Variants in SHTN1 observed in about 807,000 individuals in gnomAD.
The protein encoded by SHTN1 is shootin-1.
A neutral mutation model predicts 83.1 loss-of-function variants in SHTN1; 42 were observed. The ratio of observed to expected loss-of-function variants is 0.51; its 90% CI spans 0.39 to 0.65. The LOEUF (loss-of-function observed/expected upper bound fraction) is 0.65, where lower values mean the gene tolerates loss of function less well. Among genes scored for constraint, SHTN1 ranks in the 30% least tolerant of loss-of-function variants. The probability of loss-of-function intolerance (pLI) is 0.00; values close to 1 mark genes in which losing one functional copy is unlikely to be tolerated. For missense variants in SHTN1, 622 were observed against 737.8 expected, an observed-to-expected ratio of 0.84 and a Z score of 1.82; for synonymous variants, 224 against 247.7, an observed-to-expected ratio of 0.90 and a Z score of 0.90.
At chr10:117,036,814 T>G (rs937829490) in intron 2 of SHTN1, among the ~76,000 whole-genome samples, 2 of 152,192 alleles carry the variant, frequency 1.3e-5, no homozygotes, top group Non-Finnish European at 2.9e-5. Flanking sequence ...GGATAAATGA[T>G]TGAGGGGATG....
intron 15 of SHTN1, among the ~76,000 whole-genome samples, chr10:116,902,321 A>T (rs926951831): frequency 3.3e-5 from 5 of 152,180 alleles, no homozygotes; most frequent in African/African-American, 9.7e-5. Context: ...CTCAAGAGTT[A>T]ATTCTTCCCA....
intron 16 of SHTN1, among the ~76,000 whole-genome samples, chr10:116,896,061 T>C (rs1260569917): frequency 6.6e-6 from 1 of 152,156 alleles, no homozygotes; most frequent in African/African-American, 2.4e-5. Flanking sequence ...TTTCAGCACA[T>C]TTCCTCTTAG....
At chr10:116,928,644 C>A (rs1340209746) in intron 10 of SHTN1, among the ~76,000 whole-genome samples, 1 of 152,242 alleles carries the variant, frequency 6.6e-6, no homozygotes, top group East Asian at 1.9e-4. Flanking sequence ...TCCCCATCCA[C>A]AGCCATTCCA....
In SHTN1 at chr10:117,098,314, G is replaced by A. The variant is rs545001920; in HGVS notation, c.-189+27993C>T. 3.8e-3 allele frequency among the ~76,000 whole-genome samples: 565 copies of A among 149,726 alleles called. 4 individuals carry two copies. Among genetic ancestry groups the A allele is most frequent in the African/African-American group, 0.013 (532 of 40,554 alleles). On this transcript the variant is annotated intron_variant, in intron 1 of 17. Coordinates refer to the SHTN1 transcript ENST00000392901. ...TGGGAGGCTGAGGCAGGAGAATGGC[G>A]TGAACCCAGGGGGCGGAGCTTGCAG...
At chr10:116,912,999 T>C (rs1226745379) in intron 13 of SHTN1, among the ~76,000 whole-genome samples, 9 of 152,198 alleles carry the variant, frequency 5.9e-5, no homozygotes, top group African/African-American at 2.2e-4. Context: ...GAAATACACA[T>C]GCCCTTAGTG....
chr10:116,922,819 T>C (rs1848611050), intron 11 of SHTN1, among the ~76,000 whole-genome samples: 1 of 151,962 alleles, frequency 6.6e-6, no homozygotes, highest in Admixed American at 6.6e-5. Flanking sequence ...ATGAAAAAAT[T>C]AGCTGGGCGT....
At chr10:117,125,028 C>T (rs895352809) in intron 1 of SHTN1, among the ~76,000 whole-genome samples, 1 of 152,156 alleles carries the variant, frequency 6.6e-6, no homozygotes, top group Non-Finnish European at 1.5e-5. Context: ...ATTGCTGAGC[C>T]AAACATGGAC....
At chr10:117,059,299 T>C (rs531008126) in intron 1 of SHTN1, among the ~76,000 whole-genome samples, 1 of 152,316 alleles carries the variant, frequency 6.6e-6, no homozygotes, top group Admixed American at 6.5e-5. Context: ...GGAAACAGTT[T>C]GGCAGTTTCT....
chr10:117,021,687 A>G (rs1852266243), intron 2 of SHTN1, among the ~76,000 whole-genome samples: 1 of 152,202 alleles, frequency 6.6e-6, no homozygotes, highest in Non-Finnish European at 1.5e-5. Context: ...AGAAAAATGA[A>G]AATATTTTAT....
At chr10:117,056,421 T>C (rs2133592398) in intron 1 of SHTN1, among the ~76,000 whole-genome samples, 1 of 152,310 alleles carries the variant, frequency 6.6e-6, no homozygotes, top group Non-Finnish European at 1.5e-5. Flanking sequence ...AATCAATCAA[T>C]GTAATGGTCC....
chr10:116,973,966 G>C, intron 2 of SHTN1: 1 of 1,226,834 alleles, frequency 8.2e-7, no homozygotes, highest in Non-Finnish European at 1.1e-6. Flanking sequence ...GTGCTTTCTG[G>C]ATTTCTACAC....
At chr10:117,008,352 T>C (rs1852052301), upstream of SHTN1, among the ~76,000 whole-genome samples, 1 of 152,052 alleles carries the variant, frequency 6.6e-6, no homozygotes, top group Non-Finnish European at 1.5e-5. Context: ...TTTTGAGGTA[T>C]ACAGATAAAT....
At chr10:116,955,900 AG>A in intron 4 of SHTN1, among the ~76,000 whole-genome samples, 1 of 152,320 alleles carries the variant, frequency 6.6e-6, no homozygotes, top group East Asian at 1.9e-4. Context: ...TCAAGATAAA[AG>A]ATGAGGCCCA....
At chr10:116,925,656 A>AG (rs1848720764) in intron 11 of SHTN1, among the ~76,000 whole-genome samples, 1 of 152,230 alleles carries the variant, frequency 6.6e-6, no homozygotes, top group Non-Finnish European at 1.5e-5. Context: ...CTCTAAAAAA[A>AG]GCACTTAATA....
At chr10:117,101,137 A>C (rs1853586101) in intron 1 of SHTN1, among the ~76,000 whole-genome samples, 2 of 152,152 alleles carry the variant, frequency 1.3e-5, no homozygotes, top group Non-Finnish European at 2.9e-5. Context: ...TGAAATAGGG[A>C]AGTTCCATGG....
At position 117,029,336 on chromosome 10, in the gene SHTN1, T is replaced by C. The variant is rs1852373304; in HGVS notation, c.-123+19109A>G. Among the ~76,000 whole-genome samples the C allele has an allele frequency of 2.6e-5, 4 of 152,240 alleles. No homozygotes were observed. In the South Asian group the frequency reaches 6.2e-4, roughly 24 times the overall value. On this transcript the variant is annotated intron_variant, in intron 2 of 17. Transcript: ENST00000392901. ...TACAGGCTTATATGGGGAAGGGACT[T>C]CCCTTGTCTCAGAGGAGACTTTGGG...
At chr10:116,902,740 T>G (rs1349003606) in intron 15 of SHTN1, among the ~76,000 whole-genome samples, 1 of 152,194 alleles carries the variant, frequency 6.6e-6, no homozygotes, top group Admixed American at 6.5e-5. Flanking sequence ...AAAACAAAGA[T>G]AAGTCACAAA....
chr10:117,126,393 A>G (rs1474917513), exon 1 of SHTN1: 1 of 182,786 alleles, frequency 5.5e-6, no homozygotes, highest in Non-Finnish European at 1.2e-5. Context: ...TCACAGGAGG[A>G]GAGCTCCAGG....
chr10:116,938,937 G>A lies in SHTN1; in HGVS notation c.858+1529C>T, dbSNP rs1313271197. On this transcript the variant is annotated intron_variant, in intron 9 of 16. Transcript: ENST00000355371. ...AGCTGCAGTGGGCTCGGCCCAGTCCGAACTTCCTGGTGGCTTTGTTTACAC... is the reference window on the plus strand; with the variant it reads ...AGCTGCAGTGGGCTCGGCCCAGTCCAAACTTCCTGGTGGCTTTGTTTACAC... Among the ~76,000 whole-genome samples, 4 of 152,310 alleles carry A rather than the reference G, an allele frequency of 2.6e-5. No individual in the cohort carries two copies. In the South Asian group the frequency reaches 6.2e-4, roughly 24 times the overall value.
Sources: allele counts gnomAD v4.1 joint callset (sites outside exome capture counted in the v4.1 genomes callset), GRCh38; gene constraint gnomAD v4.1.1; transcripts MANE v1.5; gene names NCBI Gene and HGNC (gene_info 2026-07-23, HGNC 2026-07-21).